The following DENND1B variants were observed in gnomAD, a reference collection of about 807,000 sequenced individuals.
DENND1B encodes the protein DENN domain-containing protein 1B.
Under a neutral mutation model 90.1 loss-of-function variants are expected in DENND1B, and 59 were observed. The ratio of observed to expected loss-of-function variants is 0.65; its 90% CI spans 0.53 to 0.81. The LOEUF is 0.81. DENND1B is among the 40% of genes least tolerant of loss of function. DENND1B has a pLI of 0.00. For missense variants in DENND1B, 862 were observed against 912.6 expected (o/e 0.94, Z 0.71); for synonymous variants, 337 against 324.6 (o/e 1.04, Z -0.41).
At chr1:197,774,403 TAA>T (rs1359503295) in intron 1 of DENND1B, 3 of 152,286 alleles carry the variant, frequency 2.0e-5, no homozygotes, top group Non-Finnish European at 2.9e-5. Flanking sequence ...TTTCCAAAGT[TAA>T]GTTTCAGAAG....
chr1:197,689,232 G>A (rs563598393), intron 3 of DENND1B, among the ~76,000 whole-genome samples: 4 of 152,066 alleles, frequency 2.6e-5, no homozygotes, highest in Non-Finnish European at 4.4e-5. Flanking sequence ...ACAAAGTCAT[G>A]TCTTACATGG....
intron 15 of DENND1B, among the ~76,000 whole-genome samples, chr1:197,579,097 T>C (rs1336163295): frequency 6.6e-6 from 1 of 152,252 alleles, no homozygotes; most frequent in Non-Finnish European, 1.5e-5. Context: ...AGAATAATCT[T>C]CTTTATTTAT....
intron 4 of DENND1B, among the ~76,000 whole-genome samples, chr1:197,673,666 A>C (rs1450614114): frequency 1.3e-5 from 2 of 152,080 alleles, no homozygotes; most frequent in Non-Finnish European, 2.9e-5. Context: ...ATAATATTAC[A>C]CTACCTCTAT....
At chr1:197,656,287 G>A (rs1354626163) in intron 6 of DENND1B, among the ~76,000 whole-genome samples, 1 of 149,378 alleles carries the variant, frequency 6.7e-6, no homozygotes, top group Non-Finnish European at 1.5e-5. Context: ...AAAAGAGAAG[G>A]TGAGGACATA....
chr1:197,667,201 T>C (rs1655030047), intron 5 of DENND1B, among the ~76,000 whole-genome samples: 1 of 152,066 alleles, frequency 6.6e-6, no homozygotes, highest in Non-Finnish European at 1.5e-5. Flanking sequence ...GTAACCACTG[T>C]TGAAGAAGGA....
intron 15 of DENND1B, among the ~76,000 whole-genome samples, chr1:197,574,018 T>G (rs902363898): frequency 6.6e-6 from 1 of 152,164 alleles, no homozygotes; most frequent in Non-Finnish European, 1.5e-5. Flanking sequence ...ACTGGAAGCA[T>G]TCCCTCTGAA....
At chr1:197,661,542 A>T (rs1654407365) in intron 5 of DENND1B, among the ~76,000 whole-genome samples, 1 of 152,096 alleles carries the variant, frequency 6.6e-6, no homozygotes, top group Non-Finnish European at 1.5e-5. Flanking sequence ...ACTCTCAAGG[A>T]GCTTTAGATA....
rs7543290 is a variant in DENND1B at position 197,602,837 on chromosome 1, A to G, written c.921+4236T>C. On this transcript the variant is annotated intron_variant, in intron 13 of 22. Transcript: ENST00000620048. Reference sequence around the variant, plus strand: ...AGATATTCAAATATTTGATATCAGAATTTTAGAGGTTTTCTCCAGTTCTTA... The same window carrying G: ...AGATATTCAAATATTTGATATCAGAGTTTTAGAGGTTTTCTCCAGTTCTTA... Among the ~76,000 whole-genome samples the G allele has an allele frequency of 5.9e-3, 894 of 151,544 alleles. 13 individuals carry two copies. The highest frequency in any genetic ancestry group is 0.02 in the African/African-American group (836 of 41,486).
At chr1:197,633,325 A>G (rs1679500185) in intron 10 of DENND1B, among the ~76,000 whole-genome samples, 1 of 152,214 alleles carries the variant, frequency 6.6e-6, no homozygotes, top group Non-Finnish European at 1.5e-5. Context: ...GACTGTACCA[A>G]TTATCAACTT....
At chr1:197,551,111 A>C (rs1344805555) in intron 16 of DENND1B, among the ~76,000 whole-genome samples, 1 of 91,736 alleles carries the variant, frequency 1.1e-5, no homozygotes, top group African/African-American at 3.7e-5. Flanking sequence ...ACACACACAC[A>C]CCCCCTAGAT....
intron 16 of DENND1B, among the ~76,000 whole-genome samples, chr1:197,550,674 G>A (rs79800309): frequency 6.0e-5 from 5 of 82,854 alleles, no homozygotes; most frequent in African/African-American, 1.3e-4. Flanking sequence ...GGGTGAGGGG[G>A]GGGGGGAGGG....
chr1:197,666,685 A>T (rs1307484496), intron 5 of DENND1B, among the ~76,000 whole-genome samples: 1 of 152,222 alleles, frequency 6.6e-6, no homozygotes, highest in African/African-American at 2.4e-5. Context: ...GAAAATGAGC[A>T]TAGTTGATCT....
chr1:197,567,790 T>C (rs887598331), intron 15 of DENND1B, among the ~76,000 whole-genome samples: 3 of 152,110 alleles, frequency 2.0e-5, no homozygotes, highest in Non-Finnish European at 4.4e-5. Flanking sequence ...TAACAAATTA[T>C]GTATAAAATA....
chr1:197,509,628 T>C lies in DENND1B; in HGVS notation c.*832A>G, dbSNP rs1667890420. The C allele has an allele frequency of 6.8e-4, 1 of 1,470 alleles. No individual in the cohort carries two copies. Among genetic ancestry groups the C allele is most frequent in the South Asian group, 0.028 (1 of 36 alleles). The allele number at this position is 1,470 out of a possible 1,614,324, so 0.1% of individuals were successfully genotyped here. ...AGAGAATTATTAGTTAAAAAAAGAT[T>C]TTTTTTTTTTTTTTTGTCAGGACGG... On this transcript the variant is annotated 3_prime_UTR_variant, in exon 23 of 23. Coordinates refer to ENST00000620048, the MANE Select transcript of DENND1B (RefSeq NM_001195215.2).
chr1:197,566,868 A>T (rs560113533), intron 15 of DENND1B, among the ~76,000 whole-genome samples: 4 of 152,204 alleles, frequency 2.6e-5, no homozygotes, highest in African/African-American at 9.6e-5. Context: ...GAGTTGTGGA[A>T]TGTAAAATGG....
At chr1:197,673,423 A>G (rs1655730139) in intron 4 of DENND1B, among the ~76,000 whole-genome samples, 1 of 152,078 alleles carries the variant, frequency 6.6e-6, no homozygotes, top group African/African-American at 2.4e-5. Context: ...TACTTTAGCG[A>G]AGTATTTTCC....
At position 197,505,165 on chromosome 1, in the gene DENND1B, G is replaced by A. The variant is rs575843746; in HGVS notation, c.*5295C>T. The A allele has an allele frequency of 6.6e-6, 1 of 151,724 alleles. No individual in the cohort carries two copies. The highest frequency in any genetic ancestry group is 2.1e-4 in the South Asian group (1 of 4,830). 9.4% of individuals were successfully genotyped at this position (151,724 alleles called of 1,614,324 possible). ...ATTAGTTGCTGTTTTAGGCACTGCT[G>A]TAAGTACTAAACTACAACAGACTCA... On this transcript the variant is annotated 3_prime_UTR_variant, in exon 23 of 23. Transcript: ENST00000620048.
At chr1:197,642,894 C>A (rs1352466823) in intron 9 of DENND1B, 73 bp from the exon 10 acceptor site, 1 of 1,009,264 alleles carries the variant, frequency 9.9e-7, no homozygotes, top group Non-Finnish European at 1.5e-6. Flanking sequence ...TACACACTTA[C>A]CAGAAAGTCT....
At chr1:197,691,448 TAAAC>T (rs905942433) in intron 3 of DENND1B, among the ~76,000 whole-genome samples, 159 of 151,934 alleles carry the variant, frequency 1.0e-3, no homozygotes, top group African/African-American at 3.4e-3. Flanking sequence ...AACAACCAAA[TAAAC>T]AAACAAACAA....
Sources: gnomAD v4.1 joint callset for allele counts (sites outside exome capture counted in the v4.1 genomes callset) on GRCh38, gnomAD v4.1.1 for gene constraint, MANE v1.5 for transcripts, NCBI Gene and HGNC (gene_info 2026-07-23, HGNC 2026-07-21) for gene names.